The following ILKAP variants were observed in gnomAD, a reference collection of about 807,000 sequenced individuals.
ILKAP encodes the protein ILK associated serine/threonine phosphatase.
Under a neutral mutation model 49.1 loss-of-function variants are expected in ILKAP, and 11 were observed. That is an observed-to-expected ratio of 0.22 (90% CI 0.14 to 0.37). The LOEUF (loss-of-function observed/expected upper bound fraction) is 0.37. Ranked by LOEUF, ILKAP falls within the 10% of genes least tolerant of loss-of-function variation. ILKAP has a pLI of 1.00. For synonymous variants in ILKAP, 186 were observed against 192.8 expected (o/e 0.96, Z 0.29); for missense variants, 363 against 510.8 (o/e 0.71, Z 2.79).
chr2:238,173,136 T>A (rs1222009324), intron 10 of ILKAP, among the ~76,000 whole-genome samples: 1 of 152,122 alleles, frequency 6.6e-6, no homozygotes. Flanking sequence ...GCCCCCAAAG[T>A]ACCCTGCTAT....
intron 1 of ILKAP, among the ~76,000 whole-genome samples, chr2:238,200,319 G>C (rs1649853153): frequency 6.6e-6 from 1 of 152,118 alleles, no homozygotes; most frequent in African/African-American, 2.4e-5. Flanking sequence ...GAAATATTTA[G>C]TGCATTCTAT....
intron 3 of ILKAP, among the ~76,000 whole-genome samples, chr2:238,190,182 C>G (rs1290348252): frequency 6.6e-5 from 10 of 152,082 alleles, no homozygotes; most frequent in African/African-American, 2.4e-4. Context: ...AAGATCCAGG[C>G]CCTGAGTCAA....
At chr2:238,187,286 T>C (rs564088396) in intron 5 of ILKAP, among the ~76,000 whole-genome samples, 10 of 152,284 alleles carry the variant, frequency 6.6e-5, no homozygotes, top group African/African-American at 2.4e-4. Flanking sequence ...CTACATATGA[T>C]CAGCTGCTCT....
At chr2:238,191,637 G>C (rs915554950) in intron 3 of ILKAP, among the ~76,000 whole-genome samples, 1 of 152,196 alleles carries the variant, frequency 6.6e-6, no homozygotes. Context: ...GCCAGGTGTG[G>C]TGGTTCACAC....
chr2:238,198,475 G>T (rs545892642), intron 1 of ILKAP, among the ~76,000 whole-genome samples: 2 of 152,286 alleles, frequency 1.3e-5, no homozygotes, highest in South Asian at 4.1e-4. Context: ...CTGTACTCAA[G>T]CAATCTTCCT....
Position 238,170,688 on chromosome 2 carries a change from G to A in ILKAP, c.1039-12C>T, listed in dbSNP as rs779124783. 1.9e-6 allele frequency: 3 copies of A among 1,593,518 alleles called. No homozygotes were observed. In the South Asian group the frequency reaches 3.3e-5, roughly 18 times the overall value. On this transcript the variant is annotated splice_polypyrimidine_tract_variant and intron_variant, in intron 11 of 11. Transcript: ENST00000254654. Reference sequence around the variant, plus strand: ...TGGATCTTTTCATCCTACCAGATGAGAAAGGGAATGAGTGAATGGAGTGAC... The same window carrying A: ...TGGATCTTTTCATCCTACCAGATGAAAAAGGGAATGAGTGAATGGAGTGAC...
chr2:238,180,576 G>A (rs958814771), intron 9 of ILKAP, among the ~76,000 whole-genome samples: 16 of 152,142 alleles, frequency 1.1e-4, no homozygotes, highest in African/African-American at 3.6e-4. Flanking sequence ...GCTGAGAGTG[G>A]GGCAGCCAGC....
In ILKAP at chr2:238,182,173, C is replaced by A; in HGVS notation, c.728G>T (p.Arg243Leu). ...NLGDSRAILC[R>L]YNEESQKHAA... ...ATGTTTTTGACTCTCCTCATTATAA[C>A]GACACAAGATTGCCTGGGAAGATGG... Residue 243 changes from arginine (R) to leucine (L), a missense_variant, in exon 9 of 12, where the codon CGT becomes CTT. Coordinates refer to ENST00000254654, the MANE Select transcript of ILKAP (RefSeq NM_030768.3). 6.2e-7 allele frequency: 1 copy of A among 1,613,520 alleles called. No individual in the cohort carries two copies. The highest frequency in any genetic ancestry group is 8.5e-7 in the Non-Finnish European group (1 of 1,179,628).
intron 9 of ILKAP, among the ~76,000 whole-genome samples, chr2:238,181,801 A>G (rs948610400): frequency 6.6e-6 from 1 of 152,132 alleles, no homozygotes; most frequent in African/African-American, 2.4e-5. Context: ...GTATTTAAGA[A>G]ACTTCCTAGG....
At chr2:238,191,310 T>C (rs1694113057) in intron 3 of ILKAP, among the ~76,000 whole-genome samples, 1 of 152,140 alleles carries the variant, frequency 6.6e-6, no homozygotes, top group South Asian at 2.1e-4. Flanking sequence ...TTTTGTATTT[T>C]TGTATTTTTA....
chr2:238,202,585 G>A (rs536253528), intron 1 of ILKAP, among the ~76,000 whole-genome samples: 5 of 152,142 alleles, frequency 3.3e-5, no homozygotes, highest in Non-Finnish European at 7.3e-5. Context: ...GCTGAGGTGG[G>A]CCTGGAAATC....
chr2:238,177,452 T>C (rs901539886), intron 9 of ILKAP, among the ~76,000 whole-genome samples: 3 of 152,170 alleles, frequency 2.0e-5, no homozygotes, highest in South Asian at 2.1e-4. Flanking sequence ...CAGACTGAGA[T>C]TGTTCCCATT....
Position 238,170,405 on chromosome 2 carries a change from G to GA in ILKAP, c.*130dup, listed in dbSNP as rs898864882. The GA allele has an allele frequency of 1.7e-3, 1,654 of 993,358 alleles. No homozygotes were observed. The highest frequency in any genetic ancestry group is 1.9e-3 in the Non-Finnish European group (1,321 of 684,528). The allele number at this position is 993,358 out of a possible 1,614,324, so 61.5% of individuals were successfully genotyped here. A position where few individuals can be genotyped will look rare whatever the true frequency, so the allele number is the denominator to read the frequency against. ...ACAGTATAATAACTCAAAAGACTAG[G>GA]AAAAAAAAAGAGAAACCTTTATTTA... On this transcript the variant is annotated 3_prime_UTR_variant, in exon 12 of 12. Transcript: ENST00000254654.
chr2:238,192,561 G>A (rs1293106041), intron 3 of ILKAP, among the ~76,000 whole-genome samples: 4 of 152,032 alleles, frequency 2.6e-5, no homozygotes, highest in East Asian at 1.9e-4. Flanking sequence ...TTAGGTGGGC[G>A]TGGTGGCGGG....
chr2:238,202,521 G>C (rs1421235261), intron 1 of ILKAP, among the ~76,000 whole-genome samples: 1 of 152,156 alleles, frequency 6.6e-6, no homozygotes, highest in Non-Finnish European at 1.5e-5. Context: ...GGTTGGCCTG[G>C]GGATTTAGTA....
In ILKAP at chr2:238,173,574, C is replaced by G. The variant is rs150772419; in HGVS notation, c.916G>C (p.Val306Leu). ...AGCTGGCAGCGTCTGATGTCGGGCA[C>G]AGAGGTGACACCGCAGCGCTTGTAC... ...GQYKRCGVTSVPDIRRCQLTP... is the reference protein window; with the variant it reads ...GQYKRCGVTSLPDIRRCQLTP... The change falls in exon 10 of 12, where the codon GTG becomes CTG. Residue 306 changes from valine to leucine, a missense_variant. Physicochemically the swap from Val to Leu is conservative, Grantham distance 32. Coordinates refer to ENST00000254654, the MANE Select transcript of ILKAP (RefSeq NM_030768.3). 15 of 1,613,850 alleles carry G rather than the reference C, an allele frequency of 9.3e-6. No individual in the cohort carries two copies. Among genetic ancestry groups the G allele is most frequent in the Non-Finnish European group, 1.2e-5 (14 of 1,179,914 alleles).
At position 238,176,849 on chromosome 2, in the gene ILKAP, T is replaced by C. The variant is rs150946692; in HGVS notation, c.837-3196A>G. 5.8e-4 allele frequency among the ~76,000 whole-genome samples: 89 copies of C among 152,318 alleles called. 6 individuals carry two copies. In the East Asian group the frequency reaches 0.016, roughly 28 times the overall value. On this transcript the variant is annotated intron_variant, in intron 9 of 11. Coordinates refer to ENST00000254654, the MANE Select transcript of ILKAP (RefSeq NM_030768.3). ...ACAAGTGATGTTTGCAAAGTTAAGG[T>C]TGGGAGGTGGAAGCTCCATCTCCTG...
chr2:238,181,625 GT>G (rs61607663), intron 9 of ILKAP, among the ~76,000 whole-genome samples: 4,816 of 135,560 alleles, frequency 0.036, 262 homozygotes, highest in African/African-American at 0.12. Context: ...TTTTTTTTTG[GT>G]TTTTTTTTTT....
chr2:238,197,380 G>A (rs1430494012), intron 1 of ILKAP, among the ~76,000 whole-genome samples: 8 of 152,232 alleles, frequency 5.3e-5, no homozygotes, highest in African/African-American at 1.9e-4. Flanking sequence ...GCATTCAGTG[G>A]TGTCACAGAG....
Sources: allele counts gnomAD v4.1 joint callset (sites outside exome capture counted in the v4.1 genomes callset), GRCh38; gene constraint gnomAD v4.1.1; transcripts MANE v1.5; gene names NCBI Gene and HGNC (gene_info 2026-07-23, HGNC 2026-07-21).